The following ABCC11 variants were observed in gnomAD, a reference collection of about 807,000 sequenced individuals.
ABCC11 encodes the protein ATP-binding cassette sub-family C member 11.
In ABCC11, 135 loss-of-function variants were observed where a neutral mutation model predicts 149.3. The ratio of observed to expected loss-of-function variants is 0.90; its 90% confidence interval spans 0.79 to 1.04. ABCC11 has a LOEUF of 1.04. ABCC11 is among the 50% of genes least tolerant of loss of function. The pLI, the probability that ABCC11 is intolerant of heterozygous loss-of-function variation, is 0.00. For synonymous variants in ABCC11, 665 were observed against 671.4 expected (o/e 0.99, Z 0.15); for missense variants, 1,680 against 1,722.1 (o/e 0.98, Z 0.43).
intron 14 of ABCC11, among the ~76,000 whole-genome samples, chr16:48,202,350 C>A (rs1299377198): frequency 6.6e-6 from 1 of 152,146 alleles, no homozygotes; most frequent in Non-Finnish European, 1.5e-5. Context: ...GTAGCTCATG[C>A]CTGTAATCGC....
intron 6 of ABCC11, among the ~76,000 whole-genome samples, chr16:48,218,192 A>T (rs1567275401): frequency 6.6e-6 from 1 of 152,192 alleles, no homozygotes; most frequent in Non-Finnish European, 1.5e-5. Context: ...GCTACTCAGG[A>T]GGCTGAGAGA....
chr16:48,178,606 C>T lies in ABCC11; in HGVS notation c.3339G>A (p.Gln1113=), dbSNP rs1480188320. 1 of 1,614,036 alleles carries T rather than the reference C, an allele frequency of 6.2e-7. No homozygotes were observed. The highest frequency in any genetic ancestry group is 1.3e-5 in the African/African-American group (1 of 74,924). ...AQFTAVERIL[Q]YMKMCVSEAP... is the part of the protein sequence containing the mutation. ...CAGACCTGAACCCCACCTTCATGTA[C>T]TGCAGTATCCTCTCTACAGCCGTGA... Residue 1113 remains glutamine (Q), a synonymous_variant, in exon 24 of 30, where the codon CAG becomes CAA. Coordinates refer to ENST00000356608, the MANE Select transcript of ABCC11 (RefSeq NM_001370497.1).
chr16:48,191,018 G>A (rs1374506948), intron 20 of ABCC11, among the ~76,000 whole-genome samples: 2 of 152,166 alleles, frequency 1.3e-5, no homozygotes, highest in Non-Finnish European at 2.9e-5. Context: ...GGGTAGGGAG[G>A]GAGGGATGAA....
intron 3 of ABCC11, among the ~76,000 whole-genome samples, chr16:48,228,619 T>C (rs973803382): frequency 6.6e-6 from 1 of 151,816 alleles, no homozygotes; most frequent in Admixed American, 6.6e-5. Flanking sequence ...AAACTCAGTA[T>C]TTTTTTCACT....
chr16:48,181,478 C>T (rs530137164), intron 23 of ABCC11, among the ~76,000 whole-genome samples: 1 of 152,188 alleles, frequency 6.6e-6, no homozygotes, highest in African/African-American at 2.4e-5. Context: ...ATAATCCTCA[C>T]AAGTCTATGA....
rs2150830923 is a variant in ABCC11, at chr16:48,203,277, C to T, written c.1829G>A (p.Cys610Tyr). The change falls in exon 14 of 30, where the codon TGC (cysteine) becomes TAC (tyrosine). Residue 610 changes from cysteine to tyrosine, a missense_variant. Physicochemically the swap from Cys to Tyr is radical, Grantham distance 194. Transcript: ENST00000356608. ...KARYLQVLHC[C>Y]SLNRDLELLP... ...AAGTTCCAGGTCCCGATTCAGGGAG[C>T]AGCAGTGGAGCACCTGGAGGTATCT... The T allele has an allele frequency of 6.3e-7, 1 of 1,583,766 alleles. No individual in the cohort carries two copies. Among genetic ancestry groups the T allele is most frequent in the Non-Finnish European group, 8.6e-7 (1 of 1,164,182 alleles).
At chr16:48,233,591 T>G (rs13332304) in intron 1 of ABCC11, among the ~76,000 whole-genome samples, 19,944 of 152,250 alleles carry the variant, frequency 0.13, 1,627 homozygotes, top group African/African-American at 0.23. Flanking sequence ...CTGCATTAAA[T>G]TAAAACTGGC....
rs780646973 is a variant in ABCC11, at chr16:48,167,599, C to T, written c.3953G>A (p.Arg1318His). The T allele has an allele frequency of 1.2e-5, 19 of 1,612,290 alleles. No individual in the cohort carries two copies. Among genetic ancestry groups the T allele is most frequent in the South Asian group, 7.7e-5 (7 of 91,060 alleles). The change falls in exon 29 of 30, where the codon CGC (arginine) becomes CAC (histidine). Residue 1318 changes from arginine to histidine, a missense_variant. By Grantham distance (29) the Arg-to-His change is conservative. Coordinates refer to ENST00000356608, the MANE Select transcript of ABCC11 (RefSeq NM_001370497.1). ...IDMETDTLIQ[R>H]TIREAFQGCT... ...GCCCTGGAAGGCTTCACGGATTGTG[C>T]GCTGGATCAGGGTGTCTGTCTCCAT...
At chr16:48,200,057 A>G (rs1308648969) in intron 15 of ABCC11, among the ~76,000 whole-genome samples, 1 of 152,170 alleles carries the variant, frequency 6.6e-6, no homozygotes, top group Admixed American at 6.5e-5. Flanking sequence ...ATTTGTTCTC[A>G]ATTTTTACCA....
chr16:48,201,375 G>C (rs1265995552), intron 14 of ABCC11, among the ~76,000 whole-genome samples: 1 of 152,042 alleles, frequency 6.6e-6, no homozygotes, highest in Non-Finnish European at 1.5e-5. Context: ...CCGCCTCTCA[G>C]TCTCAAGCGA....
intron 4 of ABCC11, among the ~76,000 whole-genome samples, chr16:48,226,787 G>A (rs8056143): frequency 0.13 from 19,997 of 152,134 alleles, 1,621 homozygotes; most frequent in African/African-American, 0.23. Context: ...TGCCTTCAAT[G>A]TGTTAAGTTG....
chr16:48,174,356 G>A (rs974831976), intron 26 of ABCC11, among the ~76,000 whole-genome samples: 4 of 152,154 alleles, frequency 2.6e-5, no homozygotes, highest in Non-Finnish European at 4.4e-5. Context: ...ATGAAGCTCT[G>A]GGGTTCAGTT....
intron 6 of ABCC11, among the ~76,000 whole-genome samples, chr16:48,222,382 T>C (rs1354978199): frequency 6.6e-6 from 1 of 152,226 alleles, no homozygotes; most frequent in Non-Finnish European, 1.5e-5. Flanking sequence ...CTCTAGTCTC[T>C]GAATGTAAGT....
intron 14 of ABCC11, among the ~76,000 whole-genome samples, chr16:48,202,205 C>A (rs1303689404): frequency 3.3e-5 from 5 of 152,206 alleles, no homozygotes; most frequent in African/African-American, 9.7e-5. Context: ...CAGGTCAGTA[C>A]TCTTATTTAT....
rs755537891 is a variant in ABCC11, at chr16:48,222,819, G to T, written c.556C>A (p.Pro186Thr). ...ASVLGPILII[P>T]KILEYSEEQL... ...TCTTCTGAATATTCCAGGATCTTTG[G>T]TATAATCAATATCTACAAGGAAATG... The change falls in exon 6 of 30, where the codon CCA becomes ACA. Residue 186 changes from proline (P) to threonine (T), a missense_variant. Pro to Thr is a conservative substitution (Grantham distance 38). Coordinates refer to ENST00000356608, the MANE Select transcript of ABCC11 (RefSeq NM_001370497.1). 5 of 1,612,860 alleles carry T rather than the reference G, an allele frequency of 3.1e-6. No individual in the cohort carries two copies. In the South Asian group the frequency reaches 5.5e-5, roughly 18 times the overall value.
intron 11 of ABCC11, 28 bp downstream of exon 11, chr16:48,210,920 C>G (rs369793040): frequency 6.9e-6 from 11 of 1,605,774 alleles, no homozygotes; most frequent in Non-Finnish European, 9.4e-6. Context: ...TGGCAGCTGG[C>G]CTGCCTGCGT....
At chr16:48,178,551 C>T in intron 24 of ABCC11, 46 bp downstream of exon 24, 5 of 1,585,580 alleles carry the variant, frequency 3.2e-6, no homozygotes, top group South Asian at 1.1e-5. Context: ...GAAGTCATGC[C>T]CCAACTTGCA....
rs1567289518 is a variant in ABCC11 at position 48,230,530 on chromosome 16, C to T, written c.143G>A (p.Arg48Lys). The change falls in exon 3 of 30, where the codon AGA becomes AAA. Residue 48 changes from arginine to lysine, a missense_variant. By Grantham distance (26) the Arg-to-Lys change is conservative. Coordinates refer to ENST00000356608, the MANE Select transcript of ABCC11 (RefSeq NM_001370497.1). ...LQDGPWSQQE[R>K]NPEAPGRAAV... ...TGCCCTCCCTGGAGCCTCAGGATTT[C>T]TCTCTTGCTGACTCCAGGGGCCATC... 4 of 1,612,266 alleles carry T rather than the reference C, an allele frequency of 2.5e-6. No individual in the cohort carries two copies. In the Admixed American group the frequency reaches 5.0e-5, roughly 20 times the overall value.
In ABCC11 at chr16:48,203,376, T is replaced by C. The variant is rs887757878; in HGVS notation, c.1806-76A>G. ...TCACCCTTCCCAGTGTCGAGAGGAATGGTCTTGATTTTCATGCTAAGAAAT... is the reference window on the plus strand; with the variant it reads ...TCACCCTTCCCAGTGTCGAGAGGAACGGTCTTGATTTTCATGCTAAGAAAT... On this transcript the variant is annotated intron_variant, in intron 13 of 29. Transcript: ENST00000356608. The C allele has an allele frequency of 3.6e-5, 48 of 1,351,396 alleles. No homozygotes were observed. The African/African-American group carries it at 6.9e-4, about 19-fold the overall frequency. 83.7% of individuals were successfully genotyped at this position (1,351,396 alleles called of 1,614,324 possible). A position where few individuals can be genotyped will look rare whatever the true frequency, so the allele number is the denominator to read the frequency against.
Sources: allele counts gnomAD v4.1 joint callset (sites outside exome capture counted in the v4.1 genomes callset), GRCh38; gene constraint gnomAD v4.1.1; transcripts MANE v1.5; gene names NCBI Gene and HGNC (gene_info 2026-07-23, HGNC 2026-07-21).